The following MYRFL variants were observed in gnomAD, a reference collection of about 807,000 sequenced individuals.
MYRFL encodes the protein myelin regulatory factor like.
A neutral mutation model predicts 109.4 loss-of-function variants in MYRFL; 88 were observed. That is an observed-to-expected ratio of 0.80 (90% CI 0.68 to 0.96). The LOEUF (loss-of-function observed/expected upper bound fraction) is 0.96, where lower values mean the gene tolerates loss of function less well. Ranked by LOEUF, MYRFL falls within the 40% of genes least tolerant of loss-of-function variation. The pLI, the probability that MYRFL is intolerant of heterozygous loss-of-function variation, is 0.00. For missense variants in MYRFL, 957 were observed against 954.9 expected (o/e 1.00, Z -0.03); for synonymous variants, 324 against 320.9 (o/e 1.01, Z -0.10).
intron 19 of MYRFL, among the ~76,000 whole-genome samples, chr12:69,939,183 GC>G (rs1318867267): frequency 6.6e-6 from 1 of 152,242 alleles, no homozygotes; most frequent in Non-Finnish European, 1.5e-5. Context: ...ACTGGGTGGA[GC>G]CCACCACAGC....
intron 19 of MYRFL, among the ~76,000 whole-genome samples, chr12:69,948,946 G>C (rs1031285503): frequency 1.3e-5 from 2 of 151,984 alleles, no homozygotes; most frequent in Non-Finnish European, 2.9e-5. Flanking sequence ...AGGTTAAATT[G>C]GTCTTCCCTC....
At chr12:69,840,778 G>A (rs2061439) in intron 1 of MYRFL, among the ~76,000 whole-genome samples, 44,842 of 152,074 alleles carry the variant, frequency 0.29, 7,257 homozygotes, top group Admixed American at 0.36. Context: ...GATGTTTTCT[G>A]CTGTTCTTAG....
At chr12:69,833,251 T>C (rs1565958922) in intron 1 of MYRFL, among the ~76,000 whole-genome samples, 1 of 152,000 alleles carries the variant, frequency 6.6e-6, no homozygotes, top group Non-Finnish European at 1.5e-5. Context: ...TAAAGGAATG[T>C]TTAGTGAGGT....
At chr12:69,910,746 G>C in intron 12 of MYRFL, 75 bp from the exon 13 acceptor site, 1 of 1,113,160 alleles carries the variant, frequency 9.0e-7, no homozygotes, top group African/African-American at 1.6e-5. Flanking sequence ...GTAGATCAAA[G>C]CAAAAGCTTA....
At chr12:69,846,266 G>T (rs1883537213) in intron 1 of MYRFL, among the ~76,000 whole-genome samples, 1 of 151,196 alleles carries the variant, frequency 6.6e-6, no homozygotes, top group Admixed American at 6.6e-5. Flanking sequence ...GTATACATGT[G>T]CCATGCTGGT....
intron 2 of MYRFL, among the ~76,000 whole-genome samples, chr12:69,861,100 G>A (rs1884633516): frequency 6.7e-6 from 1 of 150,244 alleles, no homozygotes; most frequent in South Asian, 2.1e-4. Flanking sequence ...TGGCTGCATA[G>A]TATTCCATGG....
At chr12:69,931,430 C>G (rs75951816) in intron 15 of MYRFL, among the ~76,000 whole-genome samples, 5,179 of 152,242 alleles carry the variant, frequency 0.034, 299 homozygotes, top group African/African-American at 0.12. Context: ...CCCTAAGGGT[C>G]TGTGTACTTG....
intron 7 of MYRFL, among the ~76,000 whole-genome samples, chr12:69,893,514 T>C (rs1362967445): frequency 1.3e-5 from 2 of 152,204 alleles, no homozygotes; most frequent in Non-Finnish European, 1.5e-5. Context: ...CTGTATTCAC[T>C]GCCTACCTGA....
At chr12:69,856,122 T>C (rs11495624) in intron 2 of MYRFL, among the ~76,000 whole-genome samples, 17,789 of 152,142 alleles carry the variant, frequency 0.12, 1,293 homozygotes, top group Middle Eastern at 0.19. Flanking sequence ...CACTGGTCTG[T>C]TTTTTGTTGC....
intron 1 of MYRFL, among the ~76,000 whole-genome samples, chr12:69,826,551 T>C (rs1979716): frequency 0.84 from 128,422 of 151,992 alleles, 55,285 homozygotes; most frequent in Non-Finnish European, 0.92. Flanking sequence ...AATATCGAAT[T>C]TGGTCTACCT....
At chr12:69,883,961 T>G (rs1886293489) in intron 5 of MYRFL, among the ~76,000 whole-genome samples, 1 of 152,138 alleles carries the variant, frequency 6.6e-6, no homozygotes, top group African/African-American at 2.4e-5. Flanking sequence ...CCATATAAAC[T>G]CTGCTATGGT....
chr12:69,855,895 G>A (rs775920277), intron 2 of MYRFL, among the ~76,000 whole-genome samples: 14 of 151,008 alleles, frequency 9.3e-5, no homozygotes, highest in Non-Finnish European at 1.6e-4. Flanking sequence ...CTATTTCATT[G>A]ATTTCTGCTC....
chr12:69,924,862 A>G (rs747412802), intron 13 of MYRFL, among the ~76,000 whole-genome samples: 9 of 152,190 alleles, frequency 5.9e-5, no homozygotes, highest in Non-Finnish European at 1.2e-4. Flanking sequence ...TTACATCCCA[A>G]ATACAAAGGT....
chr12:69,933,988 G>A (rs557469264), intron 16 of MYRFL, among the ~76,000 whole-genome samples: 1 of 152,274 alleles, frequency 6.6e-6, no homozygotes, highest in South Asian at 2.1e-4. Flanking sequence ...ACCAGGGTTT[G>A]CCCCCGAAGA....
At chr12:69,895,336 G>T (rs904839477) in intron 8 of MYRFL, 35 bp from the exon 9 acceptor site, 2 of 1,424,110 alleles carry the variant, frequency 1.4e-6, no homozygotes, top group African/African-American at 2.9e-5. Flanking sequence ...TTCTCTTATA[G>T]TCTCTTGGTT....
intron 1 of MYRFL, among the ~76,000 whole-genome samples, chr12:69,843,616 A>AT (rs1187226529): frequency 6.6e-6 from 1 of 152,132 alleles, no homozygotes; most frequent in South Asian, 2.1e-4. Context: ...GCATATGTAG[A>AT]TTTTTTAGTA....
At chr12:69,858,194 G>A (rs1006579346) in intron 2 of MYRFL, among the ~76,000 whole-genome samples, 1 of 151,664 alleles carries the variant, frequency 6.6e-6, no homozygotes, top group Non-Finnish European at 1.5e-5. Context: ...TGTATTCCTG[G>A]AATAAATCTC....
chr12:69,951,725 G>A (rs910858625), intron 19 of MYRFL, among the ~76,000 whole-genome samples: 1 of 152,182 alleles, frequency 6.6e-6, no homozygotes, highest in Non-Finnish European at 1.5e-5. Context: ...ACCATGCCTG[G>A]CTCCTAATCT....
At position 69,927,640 on chromosome 12, in the gene MYRFL, T is replaced by C. The variant is rs1348078580; in HGVS notation, c.1767-45T>C. On this transcript the variant is annotated intron_variant, in intron 14 of 24. Transcript: ENST00000552032. The stretch of plus-strand genomic sequence containing the variant: ...GCCTGGGCCTTTGTCATGTATCTCC[T>C]GGAGAGGTATTTGAATAGTAACCAA... 1.2e-5 allele frequency: 17 copies of C among 1,414,544 alleles called. No individual in the cohort carries two copies. In the South Asian group the frequency reaches 2.0e-4, roughly 17 times the overall value. The allele number at this position is 1,414,544 out of a possible 1,614,324, so 87.6% of individuals were successfully genotyped here.
Sources: gnomAD v4.1 joint callset for allele counts (sites outside exome capture counted in the v4.1 genomes callset) on GRCh38, gnomAD v4.1.1 for gene constraint, MANE v1.5 for transcripts, NCBI Gene and HGNC (gene_info 2026-07-23, HGNC 2026-07-21) for gene names.